The following SEMA6D variants were observed in gnomAD, a reference collection of about 807,000 sequenced individuals.
SEMA6D encodes the protein semaphorin 6D, also known as semaphorin-6D.
Under a neutral mutation model 106.6 loss-of-function variants are expected in SEMA6D, and 35 were observed. The observed-to-expected ratio is 0.33, with a 90% CI of 0.25 to 0.44. The LOEUF is 0.44. Among genes scored for constraint, SEMA6D ranks in the 20% least tolerant of loss-of-function variants. SEMA6D has a pLI of 1.00. For synonymous variants in SEMA6D, 499 were observed against 487.7 expected (o/e 1.02, Z -0.31); for missense variants, 1,185 against 1,345.9 (o/e 0.88, Z 1.87).
intron 1 of SEMA6D, among the ~76,000 whole-genome samples, chr15:47,387,278 A>G (rs1053018707): frequency 1.3e-5 from 2 of 152,198 alleles, no homozygotes; most frequent in African/African-American, 4.8e-5. Flanking sequence ...ATTCCATTTT[A>G]CTGATATTAA....
intron 1 of SEMA6D, among the ~76,000 whole-genome samples, chr15:47,739,777 A>C (rs1259568033): frequency 3.3e-5 from 5 of 152,232 alleles, no homozygotes; most frequent in Non-Finnish European, 7.3e-5. Context: ...TACTGAAATC[A>C]TCAGAGTGGT....
chr15:47,577,829 G>A (rs2076182648), intron 3 of SEMA6D, among the ~76,000 whole-genome samples: 1 of 152,186 alleles, frequency 6.6e-6, no homozygotes, highest in African/African-American at 2.4e-5. Context: ...TTGCCTGTCA[G>A]TGTGGTTGGA....
intron 3 of SEMA6D, among the ~76,000 whole-genome samples, chr15:47,548,191 C>T (rs1207865809): frequency 6.6e-6 from 1 of 152,112 alleles, no homozygotes; most frequent in African/African-American, 2.4e-5. Flanking sequence ...CAGCGATGGG[C>T]TAAGTGGTAA....
chr15:47,442,818 A>G (rs573649038), intron 2 of SEMA6D, among the ~76,000 whole-genome samples: 1 of 152,230 alleles, frequency 6.6e-6, no homozygotes, highest in African/African-American at 2.4e-5. Flanking sequence ...CTTTGTATAG[A>G]AAAAGGCTTT....
chr15:47,742,743 G>A (rs145202637), intron 1 of SEMA6D, among the ~76,000 whole-genome samples: 130 of 152,298 alleles, frequency 8.5e-4, no homozygotes, highest in African/African-American at 3.1e-3. Context: ...GGTCCCTCCA[G>A]TTCTTTCCCC....
intron 6 of SEMA6D, 74 bp downstream of exon 6, chr15:47,761,505 A>G: frequency 1.5e-6 from 2 of 1,341,718 alleles, no homozygotes; most frequent in South Asian, 2.7e-5. Context: ...TAGAGTTGAA[A>G]TCTTTCTGCT....
Position 47,637,596 on chromosome 15 carries a change from A to G in SEMA6D, c.-55+36700A>G, listed in dbSNP as rs558577438. The stretch of plus-strand genomic sequence containing the variant: ...CAGTTTTTCAATGAGAATGATTTTC[A>G]TGCTGGGAATCACAGACCAGGTAGT... On this transcript the variant is annotated intron_variant, in intron 4 of 19. Coordinates refer to the SEMA6D transcript ENST00000558014. 2.0e-5 allele frequency among the ~76,000 whole-genome samples: 3 copies of G among 152,318 alleles called. 1 individual carries two copies. Among genetic ancestry groups the G allele is most frequent in the African/African-American group, 7.2e-5 (3 of 41,580 alleles).
At chr15:47,526,395 C>G (rs1330061903) in intron 3 of SEMA6D, among the ~76,000 whole-genome samples, 1 of 152,112 alleles carries the variant, frequency 6.6e-6, no homozygotes, top group Non-Finnish European at 1.5e-5. Flanking sequence ...AAAATATTTC[C>G]CATGAGCAAA....
chr15:47,678,650 T>G (rs1566979847), intron 4 of SEMA6D, among the ~76,000 whole-genome samples: 2 of 143,056 alleles, frequency 1.4e-5, no homozygotes, highest in African/African-American at 2.6e-5. Flanking sequence ...TATCCTAACC[T>G]TTTTTTTTTT....
At position 47,631,325 on chromosome 15, in the gene SEMA6D, G is replaced by C. The variant is rs562919574; in HGVS notation, c.-55+30429G>C. 1.2e-4 allele frequency among the ~76,000 whole-genome samples: 18 copies of C among 151,746 alleles called. No individual in the cohort carries two copies. In the South Asian group the frequency reaches 3.7e-3, roughly 32 times the overall value. ...TTTGGTTTGAGTTTTAGCAGTTTTT[G>C]GTTTTTGAAATCCATTTATTCTAAA... On this transcript the variant is annotated intron_variant, in intron 4 of 19. Coordinates refer to the SEMA6D transcript ENST00000558014.
At chr15:47,577,115 A>C (rs868435809) in intron 3 of SEMA6D, among the ~76,000 whole-genome samples, 1 of 152,246 alleles carries the variant, frequency 6.6e-6, no homozygotes, top group Non-Finnish European at 1.5e-5. Context: ...TAAGTGAAAA[A>C]TGTTTGCATT....
At chr15:47,651,779 A>G (rs558069730) in intron 4 of SEMA6D, among the ~76,000 whole-genome samples, 3 of 152,274 alleles carry the variant, frequency 2.0e-5, no homozygotes, top group African/African-American at 7.2e-5. Flanking sequence ...TTTCTGATAC[A>G]CTGTTGAGAG....
At chr15:47,697,122 C>T (rs2078716259) in intron 4 of SEMA6D, among the ~76,000 whole-genome samples, 1 of 152,070 alleles carries the variant, frequency 6.6e-6, no homozygotes, top group Non-Finnish European at 1.5e-5. Flanking sequence ...TTCTTGGCAC[C>T]AGATTTTAAA....
At chr15:47,274,137 T>A (rs1327069458) in intron 1 of SEMA6D, 3 of 152,110 alleles carry the variant, frequency 2.0e-5, no homozygotes, top group African/African-American at 7.2e-5. Flanking sequence ...CACATCAACA[T>A]ACGCAATTAA....
chr15:47,727,084 C>T (rs75872994), intron 1 of SEMA6D, among the ~76,000 whole-genome samples: 2,642 of 152,260 alleles, frequency 0.017, 41 homozygotes, highest in Non-Finnish European at 0.027. Flanking sequence ...CTTCCACTGT[C>T]GGTACTGTTG....
chr15:47,440,860 G>A (rs2041861018), intron 2 of SEMA6D, among the ~76,000 whole-genome samples: 1 of 152,056 alleles, frequency 6.6e-6, no homozygotes, highest in Non-Finnish European at 1.5e-5. Flanking sequence ...TGAGAATTGT[G>A]ACACATTTTT....
intron 1 of SEMA6D, among the ~76,000 whole-genome samples, chr15:47,372,638 T>C (rs2039316339): frequency 6.6e-6 from 1 of 152,218 alleles, no homozygotes; most frequent in Non-Finnish European, 1.5e-5. Flanking sequence ...TAGGTAAATG[T>C]CAGTGGAAAA....
At chr15:47,634,125 T>C (rs2077339484) in intron 4 of SEMA6D, among the ~76,000 whole-genome samples, 1 of 152,130 alleles carries the variant, frequency 6.6e-6, no homozygotes, top group Non-Finnish European at 1.5e-5. Context: ...TTGAGTGTGG[T>C]ATCTTTTGAG....
rs1436621180 is a variant in SEMA6D at position 47,548,382 on chromosome 15, CTGG to C, written c.-86-52482_-86-52480del. ...TTGCACCTGCCAGAAACACCTCCCCCTGGAACAAGTTCAGCTCTTTCTTGGCCC... is the reference window on the plus strand; with the variant it reads ...TTGCACCTGCCAGAAACACCTCCCCCAACAAGTTCAGCTCTTTCTTGGCCC... On this transcript the variant is annotated intron_variant, in intron 3 of 19. Transcript: ENST00000558014. Among the ~76,000 whole-genome samples, 17 of 152,168 alleles carry C rather than the reference CTGG, an allele frequency of 1.1e-4. 1 individual carries two copies. The highest frequency in any genetic ancestry group is 1.1e-3 in the Admixed American group (17 of 15,262).
Sources: gnomAD v4.1 joint callset for allele counts (sites outside exome capture counted in the v4.1 genomes callset) on GRCh38, gnomAD v4.1.1 for gene constraint, MANE v1.5 for transcripts, NCBI Gene and HGNC (gene_info 2026-07-23, HGNC 2026-07-21) for gene names.